CLPB: variants seen among roughly 807,000 people sequenced by gnomAD.
CLPB encodes the protein ClpB family mitochondrial disaggregase.
CLPB carries 40 observed loss-of-function variants against 78.4 expected under a neutral mutation model. The ratio of observed to expected loss-of-function variants is 0.51; its 90% CI spans 0.40 to 0.66. The LOEUF (loss-of-function observed/expected upper bound fraction) is 0.66, where lower values mean the gene tolerates loss of function less well. CLPB is among the 30% of genes least tolerant of loss of function. The pLI is 0.00. For synonymous variants in CLPB, 333 were observed against 348.0 expected (o/e 0.96, Z 0.48); for missense variants, 780 against 886.9 (o/e 0.88, Z 1.53).
At position 72,293,483 on chromosome 11, in the gene CLPB, G is replaced by A; in HGVS notation, c.1918C>T (p.Gln640Ter). ...LLKSPELPSP[Q>*]AEKRLPKLRL... is the part of the protein sequence containing the mutation. ...AGCTTGGGGAGGCGCTTCTCAGCCT[G>A]GGGTGAGGGCAGTTCTGGGCTTTTG... The change falls in exon 16 of 16, where the codon CAG becomes TAG. Residue 640 changes from glutamine (Q) to a stop codon, truncating the protein, a stop_gained. Transcript: ENST00000538039. LOFTEE classifies it high-confidence loss of function. The A allele has an allele frequency of 6.2e-7, 1 of 1,614,158 alleles. No homozygotes were observed. The highest frequency in any genetic ancestry group is 8.5e-7 in the Non-Finnish European group (1 of 1,180,016).
intron 12 of CLPB, 57 bp from the exon 13 acceptor site, chr11:72,294,750 G>GTGCC: frequency 6.9e-7 from 1 of 1,445,000 alleles, no homozygotes; most frequent in Non-Finnish European, 9.7e-7. Flanking sequence ...TTTGGGGGCT[G>GTGCC]TGCCTGCCCC....
intron 4 of CLPB, among the ~76,000 whole-genome samples, chr11:72,370,167 ATATT>A (rs1205100345): frequency 1.3e-5 from 2 of 152,192 alleles, no homozygotes; most frequent in Admixed American, 1.3e-4. Flanking sequence ...TGATGAAAAA[ATATT>A]TATACACAAA....
At chr11:72,364,145 T>G (rs1325050189) in intron 4 of CLPB, among the ~76,000 whole-genome samples, 1 of 152,064 alleles carries the variant, frequency 6.6e-6, no homozygotes, top group South Asian at 2.1e-4. Flanking sequence ...CCATTCAAAC[T>G]AAAAAAAGTG....
Position 72,380,372 on chromosome 11 carries a change from G to C in CLPB, c.555C>G (p.Val185=), listed in dbSNP as rs770534948. Residue 185 remains valine, a synonymous_variant, in exon 4 of 16, where the codon GTC becomes GTG. Transcript: ENST00000538039. ...AINRNNSVVQ[V]LLAAGADPNL... ...TTGGATCAGCCCCAGCAGCAAGCAG[G>C]ACCTGTACCACACTAGAAGAAATCA... 3 of 1,613,900 alleles carry C rather than the reference G, an allele frequency of 1.9e-6. No individual in the cohort carries two copies. The highest frequency in any genetic ancestry group is 1.1e-5 in the South Asian group (1 of 91,064).
intron 5 of CLPB, among the ~76,000 whole-genome samples, chr11:72,341,947 A>T (rs1950427598): frequency 6.6e-6 from 1 of 152,202 alleles, no homozygotes. Context: ...CTGTTATAAT[A>T]GTCCAGGTGA....
At chr11:72,360,172 G>A (rs1950808230) in intron 4 of CLPB, among the ~76,000 whole-genome samples, 1 of 152,108 alleles carries the variant, frequency 6.6e-6, no homozygotes, top group Non-Finnish European at 1.5e-5. Context: ...CTCCTGAGCT[G>A]AGTTTGTAGG....
At chr11:72,426,564 A>G (rs1342861625) in intron 2 of CLPB, among the ~76,000 whole-genome samples, 1 of 152,034 alleles carries the variant, frequency 6.6e-6, no homozygotes, top group East Asian at 1.9e-4. Context: ...GGAGGGAGCG[A>G]GGGAGGGAGG....
intron 6 of CLPB, among the ~76,000 whole-genome samples, chr11:72,321,379 C>T (rs1208274477): frequency 1.3e-5 from 2 of 152,170 alleles, no homozygotes; most frequent in Non-Finnish European, 2.9e-5. Context: ...CTTCAGAAGC[C>T]CTCACCTGGA....
At chr11:72,296,627 A>G (rs984608963) in intron 11 of CLPB, among the ~76,000 whole-genome samples, 3 of 152,236 alleles carry the variant, frequency 2.0e-5, no homozygotes, top group Non-Finnish European at 2.9e-5. Context: ...TAGAGTGACA[A>G]TGCCGAACAC....
chr11:72,407,050 C>A (rs1372050272), intron 2 of CLPB, among the ~76,000 whole-genome samples: 1 of 152,166 alleles, frequency 6.6e-6, no homozygotes, highest in Non-Finnish European at 1.5e-5. Context: ...TCCACATTTT[C>A]TTTCTCTGCT....
chr11:72,299,899 C>G (rs1181293281), intron 11 of CLPB, among the ~76,000 whole-genome samples: 5 of 152,272 alleles, frequency 3.3e-5, no homozygotes, highest in African/African-American at 1.2e-4. Flanking sequence ...GAGGGGGAGA[C>G]AGGGCTTCCA....
At chr11:72,433,540 G>GAAATAAATAAATAAATAAAT (rs563884899) in intron 1 of CLPB, among the ~76,000 whole-genome samples, 1 of 138,588 alleles carries the variant, frequency 7.2e-6, no homozygotes, top group Non-Finnish European at 1.5e-5. Context: ...CTCCATCTCA[G>GAAATAAATAAATAAATAAAT]AAATAAATAA....
chr11:72,321,606 G>A (rs753955299), intron 6 of CLPB, among the ~76,000 whole-genome samples: 6 of 152,222 alleles, frequency 3.9e-5, no homozygotes, highest in Admixed American at 6.5e-5. Context: ...AAGGGATATG[G>A]CAGGCATCCC....
intron 3 of CLPB, among the ~76,000 whole-genome samples, chr11:72,388,965 A>G (rs1023865169): frequency 1.3e-5 from 2 of 152,198 alleles, no homozygotes; most frequent in African/African-American, 4.8e-5. Flanking sequence ...GTTCACAATC[A>G]AAATAAAATT....
chr11:72,374,339 A>C (rs1432808254), intron 4 of CLPB, among the ~76,000 whole-genome samples: 1 of 152,228 alleles, frequency 6.6e-6, no homozygotes, highest in Non-Finnish European at 1.5e-5. Context: ...CAGAGACTTT[A>C]AGTCATTTAC....
intron 3 of CLPB, among the ~76,000 whole-genome samples, chr11:72,390,923 G>C (rs553679129): frequency 2.0e-5 from 3 of 152,168 alleles, no homozygotes; most frequent in Non-Finnish European, 1.5e-5. Context: ...GTCCACCACT[G>C]GGGGGACAGA....
chr11:72,396,675 T>C (rs970256812), intron 3 of CLPB, among the ~76,000 whole-genome samples: 9 of 152,250 alleles, frequency 5.9e-5, no homozygotes, highest in African/African-American at 1.9e-4. Context: ...TCAGTAATTA[T>C]ACTTCATTAC....
chr11:72,287,019 A>T lies in CLPB; in HGVS notation c.*6348T>A, dbSNP rs1949399274. ...TAAGTTCTTGATGTAATAAATTAAT[A>T]AATTTCCTGACACTGAGCCTTGCAT... is the stretch of plus-strand genomic sequence containing the variant. On this transcript the variant is annotated 3_prime_UTR_variant, in exon 16 of 16. Transcript: ENST00000538039. The T allele has an allele frequency of 6.6e-6, 1 of 152,184 alleles. No homozygotes were observed. The highest frequency in any genetic ancestry group is 1.5e-5 in the Non-Finnish European group (1 of 68,026). 9.4% of individuals were successfully genotyped at this position (152,184 alleles called of 1,614,324 possible).
intron 2 of CLPB, among the ~76,000 whole-genome samples, chr11:72,403,517 C>T (rs1290822609): frequency 6.6e-6 from 1 of 152,200 alleles, no homozygotes; most frequent in Non-Finnish European, 1.5e-5. Context: ...TTCCTTAACT[C>T]ATCCAGTCCA....
Sources: allele counts gnomAD v4.1 joint callset (sites outside exome capture counted in the v4.1 genomes callset), GRCh38; gene constraint gnomAD v4.1.1; transcripts MANE v1.5; gene names NCBI Gene and HGNC (gene_info 2026-07-23, HGNC 2026-07-21).